Variants in MYH14 observed in about 807,000 individuals in gnomAD.
MYH14 encodes the protein myosin-14.
A neutral mutation model predicts 255.5 loss-of-function variants in MYH14; 123 were observed. The ratio of observed to expected loss-of-function variants is 0.48; its 90% CI spans 0.42 to 0.56. The LOEUF (loss-of-function observed/expected upper bound fraction) is 0.56, where lower values mean the gene tolerates loss of function less well. Ranked by LOEUF, MYH14 falls within the 20% of genes least tolerant of loss-of-function variation. The pLI is 0.00. For missense variants in MYH14, 2,423 were observed against 2,802.3 expected (o/e 0.86, Z 3.06); for synonymous variants, 1,095 against 1,161.2 (o/e 0.94, Z 1.16).
At position 50,309,933 on chromosome 19, in the gene MYH14, A is replaced by C; in HGVS notation, c.*143A>C. 1 of 847,046 alleles carries C rather than the reference A, an allele frequency of 1.2e-6. No individual in the cohort carries two copies. The highest frequency in any genetic ancestry group is 1.9e-6 in the Non-Finnish European group (1 of 517,918). The allele number at this position is 847,046 out of a possible 1,614,324, so 52.5% of individuals were successfully genotyped here. ...CAGCACTCTGGCATTTATCACCCCC[A>C]CCTGGGTCCCCTGCAACCTCCCATC... is the stretch of plus-strand genomic sequence containing the variant. On this transcript the variant is annotated 3_prime_UTR_variant, in exon 43 of 43. Transcript: ENST00000642316.
intron 39 of MYH14, among the ~76,000 whole-genome samples, chr19:50,297,140 C>T: frequency 6.6e-6 from 1 of 152,078 alleles, no homozygotes; most frequent in South Asian, 2.1e-4. Flanking sequence ...CATGCACCAC[C>T]ATGCCTGGCT....
chr19:50,281,476 A>G (rs2123422955), intron 32 of MYH14, 118 bp from the exon 33 acceptor site: 1 of 1,419,676 alleles, frequency 7.0e-7, no homozygotes, highest in Non-Finnish European at 9.4e-7. Context: ...GCCCAGCAGA[A>G]TGACCCCTTT....
chr19:50,232,264 C>G (rs1481431832), intron 10 of MYH14, among the ~76,000 whole-genome samples, 194 bp downstream of exon 10: 2 of 152,172 alleles, frequency 1.3e-5, no homozygotes, highest in Non-Finnish European at 2.9e-5. Context: ...GAGCCCCCAA[C>G]CAAGTCAATA....
intron 2 of MYH14, among the ~76,000 whole-genome samples, chr19:50,211,258 C>G (rs917401941): frequency 6.6e-6 from 1 of 152,010 alleles, no homozygotes; most frequent in Non-Finnish European, 1.5e-5. Flanking sequence ...CACTTGAGCC[C>G]GGGAGGTCAA....
chr19:50,281,872 A>G, intron 33 of MYH14, 30 bp downstream of exon 33: 2 of 1,601,212 alleles, frequency 1.2e-6, no homozygotes, highest in Non-Finnish European at 8.5e-7. Context: ...CCAGCCGGGG[A>G]ATCAGCAAGT....
intron 10 of MYH14, among the ~76,000 whole-genome samples, chr19:50,238,973 C>T (rs1465972065): frequency 6.6e-6 from 1 of 152,140 alleles, no homozygotes. Flanking sequence ...GTTATCCAGT[C>T]CACAGACCTT....
At chr19:50,248,135 A>G (rs969619640) in intron 12 of MYH14, among the ~76,000 whole-genome samples, 1 of 152,056 alleles carries the variant, frequency 6.6e-6, no homozygotes, top group African/African-American at 2.4e-5. Context: ...AGCAAGGGAG[A>G]GAGGGTGGGT....
At chr19:50,224,933 C>T (rs1393433266) in intron 6 of MYH14, 2 of 428,602 alleles carry the variant, frequency 4.7e-6, no homozygotes, top group African/African-American at 4.1e-5. Flanking sequence ...AGTGAGACCC[C>T]ATCTCTACTA....
Position 50,231,960 on chromosome 19 carries a change from A to G in MYH14, c.1004A>G (p.Tyr335Cys). 6.2e-7 allele frequency: 1 copy of G among 1,613,712 alleles called. No individual in the cohort carries two copies. Among genetic ancestry groups the G allele is most frequent in the Non-Finnish European group, 8.5e-7 (1 of 1,179,842 alleles). Residue 335 changes from tyrosine (Y) to cysteine (C), a missense_variant, in exon 10 of 43, where the codon TAC becomes TGC. This residue lies in a region of MYH14 where 672 missense variants were observed against 881.8 expected (regional missense o/e 0.76). Coordinates refer to ENST00000642316, the MANE Select transcript of MYH14 (RefSeq NM_001145809.2). Reference sequence around the variant, plus strand: ...CTCCTCCTCGAGCCCTGCTCCCACTACCGGTTCCTGACCAACGGGCCGTCA... The same window carrying G: ...CTCCTCCTCGAGCCCTGCTCCCACTGCCGGTTCCTGACCAACGGGCCGTCA... ...ADLLLEPCSH[Y>C]RFLTNGPSSS...
rs2035493054 is a variant in MYH14 at position 50,276,027 on chromosome 19, G to A, written c.3504G>A (p.Leu1168=). The A allele has an allele frequency of 6.2e-7, 1 of 1,612,916 alleles. No individual in the cohort carries two copies. The highest frequency in any genetic ancestry group is 1.1e-5 in the South Asian group (1 of 90,908). Residue 1168 remains leucine (L), a synonymous_variant, in exon 28 of 43, where the codon CTG becomes CTA. Coordinates refer to ENST00000642316, the MANE Select transcript of MYH14 (RefSeq NM_001145809.2). This position sits in a 1 kb window ranked among gnomAD's most constrained non-coding sequence, Gnocchi z 4.3. ...EDEGGARAQL[L]KSLREAQAAL... is the part of the protein sequence containing the mutation. ...AGGGTGGGGCCCGGGCCCAGCTGCT[G>A]AAATCCCTGCGGGAGGCTCAAGCAG... is the stretch of plus-strand genomic sequence containing the variant.
At chr19:50,232,260 C>T (rs1452572039) in intron 10 of MYH14, among the ~76,000 whole-genome samples, 190 bp downstream of exon 10, 1 of 152,154 alleles carries the variant, frequency 6.6e-6, no homozygotes, top group Non-Finnish European at 1.5e-5. Context: ...ATGAGAGCCC[C>T]CAACCAAGTC....
At chr19:50,297,867 G>A (rs1002780250) in intron 39 of MYH14, among the ~76,000 whole-genome samples, 7 of 151,936 alleles carry the variant, frequency 4.6e-5, no homozygotes, top group African/African-American at 9.7e-5. Context: ...GTGTGACCTC[G>A]CGTTAATCAA....
At chr19:50,300,783 G>T (rs1317833613) in intron 39 of MYH14, among the ~76,000 whole-genome samples, 1 of 152,014 alleles carries the variant, frequency 6.6e-6, no homozygotes, top group African/African-American at 2.4e-5. Flanking sequence ...AATTAGCAGG[G>T]GTGATGGTGT....
intron 35 of MYH14, 48 bp from the exon 36 acceptor site, chr19:50,290,839 G>T: frequency 1.3e-6 from 2 of 1,536,624 alleles, no homozygotes; most frequent in Non-Finnish European, 1.8e-6. Context: ...CACAGAGGGA[G>T]GCTGGGCTTC....
At chr19:50,207,299 G>GAGAGAC (rs1312900205) in intron 1 of MYH14, among the ~76,000 whole-genome samples, 1 of 150,260 alleles carries the variant, frequency 6.7e-6, no homozygotes, top group Non-Finnish European at 1.5e-5. Context: ...GAGAGAGAGA[G>GAGAGAC]AGAGAGAGAG....
intron 40 of MYH14, among the ~76,000 whole-genome samples, chr19:50,303,510 G>A (rs1048463175): frequency 6.6e-6 from 1 of 152,160 alleles, no homozygotes; most frequent in Admixed American, 6.6e-5. Context: ...AAGTCACTCA[G>A]CCCGCTCAGA....
At position 50,223,085 on chromosome 19, in the gene MYH14, C is replaced by G. The variant is rs200818171; in HGVS notation, c.565C>G (p.Arg189Gly). The part of the protein sequence containing the change: ...EGAYRSMLQD[R>G]EDQSILCTGE... ...TTCCCCCACTCTGTCCCCTACAGAT[C>G]GTGAGGACCAGTCCATTCTCTGCAC... Residue 189 changes from arginine (R) to glycine (G), a missense_variant and splice_region_variant, in exon 4 of 43, where the codon CGT becomes GGT. Physicochemically the swap from Arg to Gly is moderately radical, Grantham distance 125. This residue lies in a region of MYH14 where 672 missense variants were observed against 881.8 expected (regional missense o/e 0.76). Coordinates refer to ENST00000642316, the MANE Select transcript of MYH14 (RefSeq NM_001145809.2). 1 of 1,613,394 alleles carries G rather than the reference C, an allele frequency of 6.2e-7. No homozygotes were observed. Among genetic ancestry groups the G allele is most frequent in the African/African-American group, 1.3e-5 (1 of 74,908 alleles).
intron 40 of MYH14, among the ~76,000 whole-genome samples, chr19:50,302,667 G>A (rs1275855167): frequency 2.0e-5 from 3 of 151,814 alleles, no homozygotes; most frequent in Non-Finnish European, 2.9e-5. Context: ...TTGGGAGGCT[G>A]AGGCGGGCAG....
At chr19:50,248,890 A>T in intron 12 of MYH14, 97 bp from the exon 13 acceptor site, 1 of 1,348,532 alleles carries the variant, frequency 7.4e-7, no homozygotes, top group East Asian at 2.4e-5. Context: ...GGCGACCTTA[A>T]GGGGGACGAG....
Sources: allele counts gnomAD v4.1 joint callset (sites outside exome capture counted in the v4.1 genomes callset), GRCh38; gene constraint gnomAD v4.1.1; regional missense constraint gnomAD v4.1.1; non-coding constraint Gnocchi (gnomAD v3.1); transcripts MANE v1.5; gene names NCBI Gene and HGNC (gene_info 2026-07-23, HGNC 2026-07-21).